ABCC12: variants seen among roughly 807,000 people sequenced by gnomAD.
ABCC12 encodes the protein ATP-binding cassette sub-family C member 12.
ABCC12 carries 142 observed loss-of-function variants against 151.1 expected under a neutral mutation model. The ratio of observed to expected loss-of-function variants is 0.94; its 90% CI spans 0.82 to 1.08. The LOEUF is 1.08. Among genes scored for constraint, ABCC12 ranks in the 50% least tolerant of loss-of-function variants. The pLI is 0.00. For synonymous variants in ABCC12, 645 were observed against 646.4 expected, an observed-to-expected ratio of 1.00 and a Z score of 0.03; for missense variants, 1,638 against 1,691.1, an observed-to-expected ratio of 0.97 and a Z score of 0.55.
chr16:48,135,122 A>T (rs1267223410), intron 8 of ABCC12, among the ~76,000 whole-genome samples: 1 of 151,692 alleles, frequency 6.6e-6, no homozygotes, highest in Non-Finnish European at 1.5e-5. Flanking sequence ...ATGAGTTACG[A>T]TTTTGCCTGT....
intron 15 of ABCC12, among the ~76,000 whole-genome samples, chr16:48,114,982 G>T (rs1244546459): frequency 6.6e-6 from 1 of 152,106 alleles, no homozygotes; most frequent in Non-Finnish European, 1.5e-5. Flanking sequence ...GGGCATCTGG[G>T]CCCCTCATCC....
rs879629053 is a variant in ABCC12, at chr16:48,083,279, G to A, written c.*436C>T. ...AAGATGGAAGTGAGTGGGGTTAAAC[G>A]AGAAGAAAATTCTGCTCTTTTTCCT... On this transcript the variant is annotated 3_prime_UTR_variant, in exon 31 of 31. Coordinates refer to ENST00000311303, the MANE Select transcript of ABCC12 (RefSeq NM_001393797.1). The A allele has an allele frequency of 1.5e-4, 26 of 170,144 alleles. No individual in the cohort carries two copies. Among genetic ancestry groups the A allele is most frequent in the Non-Finnish European group, 2.8e-4 (23 of 81,120 alleles). The allele number at this position is 170,144 out of a possible 1,614,324, so 10.5% of individuals were successfully genotyped here.
chr16:48,146,478 T>C lies in ABCC12; in HGVS notation c.-50-4A>G, dbSNP rs1481165020. The C allele has an allele frequency of 3.5e-6, 5 of 1,435,362 alleles. No individual in the cohort carries two copies. The Admixed American group carries it at 6.8e-5, about 19-fold the overall frequency. The allele number at this position is 1,435,362 out of a possible 1,614,324, so 88.9% of individuals were successfully genotyped here. On this transcript the variant is annotated splice_region_variant and splice_polypyrimidine_tract_variant and intron_variant, in intron 2 of 30. Coordinates refer to ENST00000311303, the MANE Select transcript of ABCC12 (RefSeq NM_001393797.1). ...TTGGCCTGGGGACACTTTCACTCTA[T>C]GGCAGAGAAATGGCAAAGGTTATTG...
rs1489190645 is a variant in ABCC12 at position 48,081,180 on chromosome 16, G to A, written c.*2535C>T. ...CAGGAGGATTTTGGGGGAACACAAT[G>A]TTCAGATCATAGCAGACACCTACCC... On this transcript the variant is annotated 3_prime_UTR_variant, in exon 31 of 31. Coordinates refer to ENST00000311303, the MANE Select transcript of ABCC12 (RefSeq NM_001393797.1). Among the ~76,000 whole-genome samples the A allele has an allele frequency of 6.6e-6, 1 of 152,176 alleles. No individual in the cohort carries two copies. The highest frequency in any genetic ancestry group is 2.4e-5 in the African/African-American group (1 of 41,438).
At chr16:48,123,449 C>T (rs182269557) in intron 12 of ABCC12, among the ~76,000 whole-genome samples, 1 of 152,234 alleles carries the variant, frequency 6.6e-6, no homozygotes, top group African/African-American at 2.4e-5. Flanking sequence ...AGAAGTCACT[C>T]ATATTAAAAC....
At position 48,133,817 on chromosome 16, in the gene ABCC12, C is replaced by A; in HGVS notation, c.998G>T (p.Arg333Ile). The A allele has an allele frequency of 6.2e-7, 1 of 1,614,150 alleles. No homozygotes were observed. Among genetic ancestry groups the A allele is most frequent in the Non-Finnish European group, 8.5e-7 (1 of 1,180,010 alleles). The change falls in exon 9 of 31, where the codon AGA becomes ATA. Residue 333 changes from arginine (R) to isoleucine (I), a missense_variant. Arg to Ile is a moderately conservative substitution (Grantham distance 97, BLOSUM62 -3). Coordinates refer to ENST00000311303, the MANE Select transcript of ABCC12 (RefSeq NM_001393797.1). ...NTIQDIRRRE[R>I]KLLEKAGFVQ... Reference sequence around the variant, plus strand: ...AAATCCAGCTTTTTCCAGTAATTTTCTTTCCCTCCTTCTTATATCTGCAAA... The same window carrying A: ...AAATCCAGCTTTTTCCAGTAATTTTATTTCCCTCCTTCTTATATCTGCAAA...
chr16:48,096,736 C>T lies in ABCC12; in HGVS notation c.3195+10G>A, dbSNP rs1963109797. ...CTCCAGACTAAGCCCAACTTTGCAC[C>T]AGGCATTACCTGGATGATGTATGAC... On this transcript the variant is annotated intron_variant, in intron 24 of 30. Coordinates refer to ENST00000311303, the MANE Select transcript of ABCC12 (RefSeq NM_001393797.1). 1 of 1,613,638 alleles carries T rather than the reference C, an allele frequency of 6.2e-7. No individual in the cohort carries two copies. Among genetic ancestry groups the T allele is most frequent in the Non-Finnish European group, 8.5e-7 (1 of 1,179,794 alleles).
At chr16:48,100,849 G>T in intron 23 of ABCC12, 23 bp downstream of exon 23, 1 of 1,611,500 alleles carries the variant, frequency 6.2e-7, no homozygotes, top group South Asian at 1.1e-5. Context: ...GGGGCCTGGG[G>T]CAGGGCCCCA....
intron 3 of ABCC12, among the ~76,000 whole-genome samples, chr16:48,145,714 C>T (rs183770775): frequency 3.5e-4 from 54 of 152,306 alleles, no homozygotes; most frequent in Non-Finnish European, 4.3e-4. Flanking sequence ...TGAGCACACG[C>T]GGGGTCCAGT....
intron 24 of ABCC12, among the ~76,000 whole-genome samples, chr16:48,093,289 G>A (rs1003434889): frequency 2.6e-5 from 4 of 152,072 alleles, no homozygotes; most frequent in Admixed American, 2.6e-4. Context: ...CTACTCTGCC[G>A]GCACCTCATA....
intron 11 of ABCC12, 33 bp downstream of exon 11, chr16:48,128,426 G>A (rs1964310129): frequency 3.7e-6 from 6 of 1,607,302 alleles, no homozygotes; most frequent in Middle Eastern, 3.4e-4. Context: ...AAGGAGGAGG[G>A]CTGGAGGCCA....
At chr16:48,092,329 C>CTG (rs1270211665) in intron 24 of ABCC12, among the ~76,000 whole-genome samples, 1 of 152,194 alleles carries the variant, frequency 6.6e-6, no homozygotes, top group Non-Finnish European at 1.5e-5. Context: ...GATGTTACCG[C>CTG]TGTGGGCAAC....
intron 24 of ABCC12, among the ~76,000 whole-genome samples, chr16:48,091,978 G>C (rs1962917087): frequency 6.6e-6 from 1 of 152,184 alleles, no homozygotes; most frequent in Non-Finnish European, 1.5e-5. Flanking sequence ...CAGAGGAGAA[G>C]TCACCGAGGA....
intron 24 of ABCC12, among the ~76,000 whole-genome samples, chr16:48,093,917 T>G (rs1963001262): frequency 6.6e-6 from 1 of 152,076 alleles, no homozygotes. Flanking sequence ...ATCTGGGGAG[T>G]CTTCTCTAAT....
At chr16:48,113,113 C>T (rs745885831) in intron 15 of ABCC12, among the ~76,000 whole-genome samples, 4 of 152,304 alleles carry the variant, frequency 2.6e-5, no homozygotes, top group East Asian at 1.9e-4. Context: ...TGATACTGCA[C>T]GGTTCATCCA....
chr16:48,101,122 G>A, intron 22 of ABCC12, 113 bp from the exon 23 acceptor site: 1 of 1,275,494 alleles, frequency 7.8e-7, no homozygotes, highest in Admixed American at 2.7e-5. Flanking sequence ...GTCAGAGACG[G>A]TGCCATCTAA....
Position 48,100,964 on chromosome 16 carries a change from G to A in ABCC12, c.2946C>T (p.Val982=). The change falls in exon 23 of 31, where the codon GTC becomes GTT. Residue 982 remains valine (V), a synonymous_variant. Coordinates refer to ENST00000311303, the MANE Select transcript of ABCC12 (RefSeq NM_001393797.1). The stretch of plus-strand genomic sequence containing the variant: ...TGTGGGTGAACCAGGGTGACCGGCT[G>A]ACATTCTCCACCTTCTTGAGCTCCT... ...GVQELKKVEN[V]SRSPWFTHIT... is the part of the protein sequence containing the mutation. 3 of 1,614,210 alleles carry A rather than the reference G, an allele frequency of 1.9e-6. No homozygotes were observed. The highest frequency in any genetic ancestry group is 2.5e-6 in the Non-Finnish European group (3 of 1,180,032).
At chr16:48,142,514 G>T (rs916263848) in intron 4 of ABCC12, among the ~76,000 whole-genome samples, 7 of 152,212 alleles carry the variant, frequency 4.6e-5, no homozygotes, top group African/African-American at 1.7e-4. Context: ...CCAGTGCCTT[G>T]CCCTCAGTGC....
intron 11 of ABCC12, among the ~76,000 whole-genome samples, chr16:48,125,795 G>A (rs972447416): frequency 5.9e-5 from 9 of 152,108 alleles, no homozygotes; most frequent in East Asian, 1.9e-4. Flanking sequence ...CATGAGAGTC[G>A]CTGCCTGTCA....
Sources: allele counts gnomAD v4.1 joint callset (sites outside exome capture counted in the v4.1 genomes callset), GRCh38; gene constraint gnomAD v4.1.1; transcripts MANE v1.5; gene names NCBI Gene and HGNC (gene_info 2026-07-23, HGNC 2026-07-21).